Variants in FOCAD observed in about 807,000 individuals in gnomAD.
FOCAD encodes the protein focadhesin.
In FOCAD, 198 loss-of-function variants were observed where a neutral mutation model predicts 225.6. The ratio of observed to expected loss-of-function variants is 0.88; its 90% CI spans 0.78 to 0.99. The LOEUF (loss-of-function observed/expected upper bound fraction) is 0.99. Among genes scored for constraint, FOCAD ranks in the 50% least tolerant of loss-of-function variants. FOCAD has a pLI of 0.00. For synonymous variants in FOCAD, 897 were observed against 755.0 expected (o/e 1.19, Z -3.08); for missense variants, 2,713 against 2,123.6 (o/e 1.28, Z -5.46).
chr9:20,846,035 T>C (rs117305137), intron 15 of FOCAD, among the ~76,000 whole-genome samples: 2 of 152,128 alleles, frequency 1.3e-5, no homozygotes, highest in East Asian at 3.9e-4. Context: ...ACTTGCGGAG[T>C]TGCAAGGAGG....
intron 4 of FOCAD, among the ~76,000 whole-genome samples, chr9:20,721,179 C>T (rs1825740660): frequency 6.6e-6 from 1 of 152,156 alleles, no homozygotes; most frequent in South Asian, 2.1e-4. Flanking sequence ...AGAGTTGTCA[C>T]TCTTTGCTTC....
intron 6 of FOCAD, among the ~76,000 whole-genome samples, chr9:20,762,446 A>G (rs1222623210): frequency 1.3e-5 from 2 of 152,146 alleles, no homozygotes; most frequent in Admixed American, 1.3e-4. Context: ...AACTTAATCT[A>G]TTTTTATTTC....
intron 36 of FOCAD, among the ~76,000 whole-genome samples, chr9:20,977,509 C>A (rs568021039): frequency 1.3e-5 from 2 of 152,248 alleles, no homozygotes; most frequent in Admixed American, 1.3e-4. Flanking sequence ...TACTTGTTCC[C>A]CACCCTAACT....
chr9:20,787,798 CT>C (rs1820078963), intron 10 of FOCAD, among the ~76,000 whole-genome samples: 1 of 151,892 alleles, frequency 6.6e-6, no homozygotes, highest in Non-Finnish European at 1.5e-5. Context: ...AATATATTAT[CT>C]TTTTCTCCTC....
At chr9:20,977,424 C>T (rs959497759) in intron 36 of FOCAD, among the ~76,000 whole-genome samples, 3 of 152,180 alleles carry the variant, frequency 2.0e-5, no homozygotes, top group African/African-American at 7.2e-5. Context: ...AGAATACACA[C>T]CTCAACACCT....
intron 22 of FOCAD, among the ~76,000 whole-genome samples, chr9:20,910,137 T>C (rs1728675484): frequency 6.6e-6 from 1 of 152,040 alleles, no homozygotes; most frequent in Non-Finnish European, 1.5e-5. Context: ...TATATCAAAG[T>C]GGTTGACATG....
At chr9:20,771,295 G>A (rs761132617) in intron 8 of FOCAD, among the ~76,000 whole-genome samples, 14 of 152,304 alleles carry the variant, frequency 9.2e-5, no homozygotes, top group South Asian at 4.1e-4. Flanking sequence ...TATCCTCTAG[G>A]CAATGACATG....
intron 8 of FOCAD, among the ~76,000 whole-genome samples, chr9:20,773,888 G>A (rs1042042762): frequency 1.3e-5 from 2 of 152,124 alleles, no homozygotes; most frequent in Non-Finnish European, 2.9e-5. Context: ...GGTCCCCAAT[G>A]CCTGGGCCAC....
At chr9:20,983,992 G>A (rs959888983) in intron 39 of FOCAD, among the ~76,000 whole-genome samples, 16 of 152,186 alleles carry the variant, frequency 1.1e-4, no homozygotes, top group African/African-American at 3.4e-4. Context: ...GCTGAAGGTT[G>A]CTGTTACTCG....
At chr9:20,882,156 C>A in intron 20 of FOCAD, 100 bp downstream of exon 20, 2 of 972,420 alleles carry the variant, frequency 2.1e-6, no homozygotes, top group Admixed American at 2.4e-5. Flanking sequence ...GGTGTTGCTG[C>A]TGCTACTAAC....
intron 39 of FOCAD, among the ~76,000 whole-genome samples, chr9:20,985,058 T>C (rs1157219156): frequency 6.6e-6 from 1 of 152,206 alleles, no homozygotes; most frequent in Non-Finnish European, 1.5e-5. Context: ...TGCCTTGGCC[T>C]CCCAAAGCGC....
chr9:20,993,374 T>G (rs769082086), intron 43 of FOCAD, 46 bp downstream of exon 43: 3 of 1,490,152 alleles, frequency 2.0e-6, no homozygotes, highest in East Asian at 4.5e-5. Flanking sequence ...AAAACCATTA[T>G]TGTTGTCTGT....
chr9:20,901,048 A>C (rs148615824), intron 21 of FOCAD, among the ~76,000 whole-genome samples: 25 of 152,032 alleles, frequency 1.6e-4, no homozygotes, highest in Non-Finnish European at 3.5e-4. Context: ...GGTCTAACAA[A>C]AAATTATTTT....
intron 8 of FOCAD, among the ~76,000 whole-genome samples, chr9:20,771,206 G>T (rs565135682): frequency 3.4e-4 from 52 of 152,312 alleles, no homozygotes; most frequent in African/African-American, 1.2e-3. Context: ...ACAAGAGGAT[G>T]TTGGGTATTG....
chr9:20,816,367 T>C (rs1335903327), intron 11 of FOCAD, among the ~76,000 whole-genome samples: 1 of 152,108 alleles, frequency 6.6e-6, no homozygotes, highest in Non-Finnish European at 1.5e-5. Flanking sequence ...TAACCTTCTG[T>C]TTTTAATTAA....
intron 6 of FOCAD, among the ~76,000 whole-genome samples, chr9:20,760,053 T>C (rs996039313): frequency 1.3e-5 from 2 of 152,232 alleles, no homozygotes; most frequent in African/African-American, 4.8e-5. Context: ...TCAATATCTC[T>C]TGATGTGGCT....
At chr9:20,741,381 G>A (rs904872932) in intron 5 of FOCAD, among the ~76,000 whole-genome samples, 9 of 152,022 alleles carry the variant, frequency 5.9e-5, no homozygotes, top group East Asian at 3.9e-4. Flanking sequence ...GGTCTGTGTC[G>A]TGGTATATCT....
At chr9:20,885,273 C>T in intron 21 of FOCAD, 43 bp downstream of exon 21, 19 of 1,373,106 alleles carry the variant, frequency 1.4e-5, no homozygotes, top group Non-Finnish European at 1.8e-5. Context: ...GTGTTTTCTC[C>T]CTTCATGATA....
intron 33 of FOCAD, 99 bp downstream of exon 33, chr9:20,949,774 G>C (rs1193511916): frequency 1.9e-6 from 2 of 1,045,734 alleles, no homozygotes; most frequent in Non-Finnish European, 2.9e-6. Context: ...TGGAAAATGG[G>C]AAAGTCTCTG....
Sources: allele counts gnomAD v4.1 joint callset (sites outside exome capture counted in the v4.1 genomes callset), GRCh38; gene constraint gnomAD v4.1.1; transcripts MANE v1.5; gene names NCBI Gene and HGNC (gene_info 2026-07-23, HGNC 2026-07-21).